The following PLCE1 variants were observed in gnomAD, a reference collection of about 807,000 sequenced individuals.
The protein encoded by PLCE1 is phospholipase C epsilon 1, also known as 1-phosphatidylinositol 4,5-bisphosphate phosphodiesterase epsilon-1.
Under a neutral mutation model 242.8 loss-of-function variants are expected in PLCE1, and 119 were observed. That is an observed-to-expected ratio of 0.49 (90% CI 0.42 to 0.57). The LOEUF is 0.57. PLCE1 is among the 20% of genes least tolerant of loss of function. The pLI, the probability that PLCE1 is intolerant of heterozygous loss-of-function variation, is 0.00. For synonymous variants in PLCE1, 945 were observed against 1,017.4 expected (o/e 0.93, Z 1.35); for missense variants, 2,441 against 2,788.8 (o/e 0.88, Z 2.81).
intron 22 of PLCE1, among the ~76,000 whole-genome samples, chr10:94,287,840 C>T (rs574206703): frequency 1.3e-5 from 2 of 152,192 alleles, no homozygotes; most frequent in South Asian, 4.2e-4. Flanking sequence ...CACCTACATA[C>T]ACTGCCGTCT....
chr10:94,004,152 A>G (rs1224856676), intron 1 of PLCE1, among the ~76,000 whole-genome samples: 1 of 152,184 alleles, frequency 6.6e-6, no homozygotes, highest in Non-Finnish European at 1.5e-5. Context: ...TCTCAAAAAA[A>G]AAAAAAATTG....
At chr10:94,106,943 T>TCTCTCTCTCTCTCTCTCTCTCTCCCC (rs1222191133) in intron 2 of PLCE1, 1 of 122,550 alleles carries the variant, frequency 8.2e-6, no homozygotes, top group Non-Finnish European at 1.7e-5. Flanking sequence ...TCTCTCTCTC[T>TCTCTCTCTCTCTCTCTCTCTCTCCCC]CCCCCTCCCC....
intron 8 of PLCE1, among the ~76,000 whole-genome samples, chr10:94,249,942 GA>G (rs377321739): frequency 5.7e-4 from 83 of 146,576 alleles, no homozygotes; most frequent in East Asian, 5.3e-3. Flanking sequence ...TTACGTGGGG[GA>G]AAAAAAAAAG....
chr10:94,233,451 CCT>C (rs1336155771), intron 5 of PLCE1, among the ~76,000 whole-genome samples: 2 of 152,202 alleles, frequency 1.3e-5, no homozygotes, highest in African/African-American at 4.8e-5. Flanking sequence ...ACCACATTAC[CCT>C]CTACTTTCCC....
intron 1 of PLCE1, among the ~76,000 whole-genome samples, chr10:94,018,374 T>C (rs1182821418): frequency 6.6e-6 from 1 of 152,214 alleles, no homozygotes; most frequent in Non-Finnish European, 1.5e-5. Context: ...ATAGTTCTAC[T>C]GCTTTTGCTG....
At chr10:94,182,900 C>T (rs896119612) in intron 4 of PLCE1, among the ~76,000 whole-genome samples, 2 of 152,108 alleles carry the variant, frequency 1.3e-5, no homozygotes, top group South Asian at 2.1e-4. Context: ...ATAATGGATC[C>T]GGTGGAAATC....
At chr10:94,254,362 A>C in intron 10 of PLCE1, 55 bp downstream of exon 10, 1 of 1,175,338 alleles carries the variant, frequency 8.5e-7, no homozygotes, top group Non-Finnish European at 1.3e-6. Context: ...TGTGGGAAAA[A>C]AAGTATACAT....
At chr10:94,104,267 G>A (rs1272448094) in intron 2 of PLCE1, 6 of 152,270 alleles carry the variant, frequency 3.9e-5, no homozygotes, top group Admixed American at 6.5e-5. Flanking sequence ...GAGGCAGAAA[G>A]GAGCTAATTA....
intron 2 of PLCE1, among the ~76,000 whole-genome samples, chr10:94,045,148 A>T (rs1224101599): frequency 6.6e-6 from 1 of 152,040 alleles, no homozygotes; most frequent in Non-Finnish European, 1.5e-5. Context: ...TTATAGATGC[A>T]TACCACCATG....
intron 22 of PLCE1, chr10:94,287,352 G>T (rs2052487107): frequency 1.3e-5 from 2 of 151,720 alleles, no homozygotes; most frequent in Non-Finnish European, 2.9e-5. Context: ...ATGCACATGA[G>T]GAAAATACTA....
chr10:94,015,840 A>T (rs1272043777), intron 1 of PLCE1, among the ~76,000 whole-genome samples: 1 of 152,232 alleles, frequency 6.6e-6, no homozygotes, highest in Non-Finnish European at 1.5e-5. Flanking sequence ...GGCCGAATGA[A>T]ATATAAACTA....
intron 1 of PLCE1, among the ~76,000 whole-genome samples, chr10:93,998,905 TAGA>T (rs757139355): frequency 1.3e-5 from 2 of 152,188 alleles, no homozygotes; most frequent in African/African-American, 4.8e-5. Context: ...CGAGTGTTCT[TAGA>T]AGAAGGAGAC....
At chr10:94,264,512 ATTTTTTTTTTTT>A (rs59860171) in intron 14 of PLCE1, among the ~76,000 whole-genome samples, 1 of 73,106 alleles carries the variant, frequency 1.4e-5, no homozygotes, top group African/African-American at 5.0e-5. Flanking sequence ...ACATGATTTG[ATTTTTTTTTTTT>A]TTTTTTTTTT....
rs144744478 is a variant in PLCE1, at chr10:94,286,204, T to A, written c.5035+1239T>A. On this transcript the variant is annotated intron_variant, in intron 22 of 32. Coordinates refer to ENST00000371380, the MANE Select transcript of PLCE1 (RefSeq NM_016341.4). Reference sequence around the variant, plus strand: ...ATGTTAGTAAACAGGATTTATAGACTTGGCCTGGAGAGAGGCACTAAAATG... The same window carrying A: ...ATGTTAGTAAACAGGATTTATAGACATGGCCTGGAGAGAGGCACTAAAATG... 4.6e-3 allele frequency among the ~76,000 whole-genome samples: 703 copies of A among 152,330 alleles called. 2 individuals carry two copies. The highest frequency in any genetic ancestry group is 0.02 in the Middle Eastern group (6 of 294).
intron 1 of PLCE1, among the ~76,000 whole-genome samples, chr10:93,995,546 A>G (rs1466796411): frequency 6.6e-6 from 1 of 152,214 alleles, no homozygotes; most frequent in Non-Finnish European, 1.5e-5. Flanking sequence ...TGCACCTAGA[A>G]GACTCTAGAG....
At chr10:94,041,383 T>G (rs906605358) in intron 2 of PLCE1, among the ~76,000 whole-genome samples, 1 of 152,170 alleles carries the variant, frequency 6.6e-6, no homozygotes, top group African/African-American at 2.4e-5. Context: ...GAATCAGGAT[T>G]TTCCATTGAA....
At chr10:94,264,127 TA>T (rs765535843) in intron 14 of PLCE1, among the ~76,000 whole-genome samples, 37 of 151,772 alleles carry the variant, frequency 2.4e-4, no homozygotes, top group South Asian at 2.1e-4. Flanking sequence ...AATAATGGGG[TA>T]GGGGAAAAAC....
chr10:94,326,231 T>TG (rs1454799660), intron 32 of PLCE1, among the ~76,000 whole-genome samples: 1 of 152,200 alleles, frequency 6.6e-6, no homozygotes, highest in Admixed American at 6.5e-5. Flanking sequence ...TCTGCCTTTA[T>TG]GACAATGAGG....
intron 4 of PLCE1, among the ~76,000 whole-genome samples, chr10:94,214,673 C>T (rs547859834): frequency 4.1e-4 from 62 of 152,226 alleles, no homozygotes; most frequent in Admixed American, 3.6e-3. Flanking sequence ...GGCTGGTTGT[C>T]GGTCTCCTTC....
Sources: allele counts gnomAD v4.1 joint callset (sites outside exome capture counted in the v4.1 genomes callset), GRCh38; gene constraint gnomAD v4.1.1; transcripts MANE v1.5; gene names NCBI Gene and HGNC (gene_info 2026-07-23, HGNC 2026-07-21).